The following ALK variants were observed in gnomAD, a reference collection of about 807,000 sequenced individuals.
ALK encodes the protein ALK tyrosine kinase receptor.
Under a neutral mutation model 163.1 loss-of-function variants are expected in ALK, and 74 were observed. The ratio of observed to expected loss-of-function variants is 0.45; its 90% CI spans 0.38 to 0.55. The LOEUF (loss-of-function observed/expected upper bound fraction) is 0.55, where lower values mean the gene tolerates loss of function less well. Among genes scored for constraint, ALK ranks in the 20% least tolerant of loss-of-function variants. The pLI, the probability that ALK is intolerant of heterozygous loss-of-function variation, is 0.00. For synonymous variants in ALK, 960 were observed against 843.2 expected (o/e 1.14, Z -2.40); for missense variants, 2,063 against 2,105.3 (o/e 0.98, Z 0.39).
chr2:29,449,072 A>G lies in ALK; in HGVS notation c.1155-65213T>C, dbSNP rs148605014. Among the ~76,000 whole-genome samples, 368 of 152,300 alleles carry G rather than the reference A, an allele frequency of 2.4e-3. 2 individuals carry two copies. The highest frequency in any genetic ancestry group is 8.4e-3 in the African/African-American group (349 of 41,554). On this transcript the variant is annotated intron_variant, in intron 4 of 28. Transcript: ENST00000389048. ...AAGGCCATAAACAATCTTTCTTTGC[A>G]TGACAATCTTCCAATAGCTGCAGGT...
intron 1 of ALK, among the ~76,000 whole-genome samples, chr2:29,838,838 G>A (rs1034105932): frequency 1.3e-5 from 2 of 152,132 alleles, no homozygotes; most frequent in Non-Finnish European, 2.9e-5. Context: ...AGGGAAGAGG[G>A]TTATGCAGGT....
chr2:29,257,283 C>G (rs957156521), intron 11 of ALK, among the ~76,000 whole-genome samples: 1 of 151,858 alleles, frequency 6.6e-6, no homozygotes, highest in African/African-American at 2.4e-5. Flanking sequence ...TTACACATAC[C>G]CCATACTGAA....
chr2:29,441,352 G>A (rs888326972), intron 4 of ALK, among the ~76,000 whole-genome samples: 2 of 152,196 alleles, frequency 1.3e-5, no homozygotes, highest in African/African-American at 2.4e-5. Context: ...GCTAGGGCTC[G>A]GTGTCACTGT....
At chr2:29,235,824 C>T (rs1664357536) in intron 13 of ALK, among the ~76,000 whole-genome samples, 1 of 130,520 alleles carries the variant, frequency 7.7e-6, no homozygotes, top group Non-Finnish European at 1.6e-5. Context: ...TCCAGAGTAG[C>T]TGGGACTACA....
intron 1 of ALK, among the ~76,000 whole-genome samples, chr2:29,795,578 A>C (rs1266404361): frequency 6.6e-6 from 1 of 152,222 alleles, no homozygotes; most frequent in Non-Finnish European, 1.5e-5. Context: ...AAAACTAGGA[A>C]GCAAAGTAGC....
intron 1 of ALK, among the ~76,000 whole-genome samples, chr2:29,744,666 T>A (rs1680160269): frequency 6.6e-6 from 1 of 152,178 alleles, no homozygotes; most frequent in Non-Finnish European, 1.5e-5. Context: ...AGTGTTTCAA[T>A]CACAGCTCAT....
chr2:29,312,747 G>A (rs568528954), intron 8 of ALK, among the ~76,000 whole-genome samples: 17 of 152,318 alleles, frequency 1.1e-4, no homozygotes, highest in African/African-American at 3.1e-4. Flanking sequence ...AGGAAGAGGC[G>A]TGTGCAGAGA....
At chr2:29,318,443 A>G (rs1352241691) in intron 7 of ALK, 39 bp from the exon 8 acceptor site, 2 of 1,441,608 alleles carry the variant, frequency 1.4e-6, no homozygotes, top group Non-Finnish European at 2.0e-6. Context: ...CGCCATTATC[A>G]GGAACTGGGG....
intron 3 of ALK, among the ~76,000 whole-genome samples, chr2:29,636,163 G>A (rs2339548): frequency 0.64 from 96,843 of 151,972 alleles, 31,821 homozygotes; most frequent in Middle Eastern, 0.75. Context: ...TGTTGGGGGA[G>A]GAATATACAC....
chr2:29,377,085 C>T (rs1461624970), intron 5 of ALK, among the ~76,000 whole-genome samples: 1 of 152,144 alleles, frequency 6.6e-6, no homozygotes, highest in Non-Finnish European at 1.5e-5. Flanking sequence ...GTGCTAAGCC[C>T]TAATTTTTTA....
chr2:29,364,646 C>G (rs1475214067), intron 5 of ALK, among the ~76,000 whole-genome samples: 5 of 152,280 alleles, frequency 3.3e-5, no homozygotes, highest in Middle Eastern at 3.4e-3. Context: ...GGGCTCCAGA[C>G]AGTGGTCAGG....
chr2:29,219,039 C>G (rs13017531), intron 23 of ALK, among the ~76,000 whole-genome samples: 16,392 of 152,260 alleles, frequency 0.11, 1,017 homozygotes, highest in Non-Finnish European at 0.12. Context: ...CTAGTCCCAG[C>G]TCTTCCACTT....
intron 1 of ALK, among the ~76,000 whole-genome samples, chr2:29,846,342 T>C (rs1665842536): frequency 6.6e-6 from 1 of 152,210 alleles, no homozygotes; most frequent in African/African-American, 2.4e-5. Context: ...TTTCCTACTG[T>C]CCTAGAACCC....
intron 5 of ALK, among the ~76,000 whole-genome samples, chr2:29,375,444 A>G (rs1668732089): frequency 6.6e-6 from 1 of 151,948 alleles, no homozygotes; most frequent in Non-Finnish European, 1.5e-5. Context: ...TCAGCCCCCC[A>G]AGTAGCTGGG....
chr2:29,223,830 C>T lies in ALK; in HGVS notation c.3173-302G>A, dbSNP rs1198817927. On this transcript the variant is annotated intron_variant, in intron 19 of 28. Transcript: ENST00000389048. ...AGCAGACTGGAGATGGGATTAGACC[C>T]AATATGGTCTGCAGATTTTATTAGA... The T allele has an allele frequency of 3.2e-5, 15 of 472,296 alleles. No homozygotes were observed. The Admixed American group carries it at 4.7e-4, about 15-fold the overall frequency. The allele number at this position is 472,296 out of a possible 1,614,324, so 29.3% of individuals were successfully genotyped here.
At chr2:29,365,937 C>T (rs1363423112) in intron 5 of ALK, among the ~76,000 whole-genome samples, 1 of 152,124 alleles carries the variant, frequency 6.6e-6, no homozygotes, top group Non-Finnish European at 1.5e-5. Flanking sequence ...GCAACATCGC[C>T]TGAGGTTTCT....
chr2:29,710,400 T>C (rs377543242), intron 2 of ALK, among the ~76,000 whole-genome samples: 54 of 152,186 alleles, frequency 3.5e-4, no homozygotes, highest in African/African-American at 1.2e-3. Context: ...ATCTCTCTGT[T>C]TCATGCTCCT....
At chr2:29,257,425 C>T (rs1458765970) in intron 11 of ALK, among the ~76,000 whole-genome samples, 2 of 151,966 alleles carry the variant, frequency 1.3e-5, no homozygotes, top group Non-Finnish European at 2.9e-5. Flanking sequence ...CACATTGTAG[C>T]ACCCTCCAAG....
intron 1 of ALK, among the ~76,000 whole-genome samples, chr2:29,883,016 G>C (rs895700696): frequency 6.6e-6 from 1 of 151,864 alleles, no homozygotes; most frequent in East Asian, 1.9e-4. Context: ...TATATTGATA[G>C]AGAATTTTTT....
Sources: allele counts gnomAD v4.1 joint callset (sites outside exome capture counted in the v4.1 genomes callset), GRCh38; gene constraint gnomAD v4.1.1; transcripts MANE v1.5; gene names NCBI Gene and HGNC (gene_info 2026-07-23, HGNC 2026-07-21).